The following ZNF267 variants were observed in gnomAD, a reference collection of about 807,000 sequenced individuals.
ZNF267 encodes zinc finger protein 267.
Under a neutral mutation model 71.6 loss-of-function variants are expected in ZNF267, and 61 were observed. The observed-to-expected ratio is 0.85, with a 90% CI of 0.69 to 1.05. The LOEUF is 1.05. Ranked by LOEUF, ZNF267 falls within the 50% of genes least tolerant of loss-of-function variation. The pLI, the probability that ZNF267 is intolerant of heterozygous loss-of-function variation, is 0.00. For synonymous variants in ZNF267, 288 were observed against 293.2 expected (o/e 0.98, Z 0.18); for missense variants, 852 against 870.0 (o/e 0.98, Z 0.26).
intron 1 of ZNF267, among the ~76,000 whole-genome samples, chr16:31,879,049 G>A (rs1468660257): frequency 6.6e-6 from 1 of 151,898 alleles, no homozygotes; most frequent in Non-Finnish European, 1.5e-5. Flanking sequence ...TAGGCCATTT[G>A]TCAGTCTTTT....
At position 31,915,698 on chromosome 16, in the gene ZNF267, G is replaced by A. The variant is rs1207863965; in HGVS notation, c.1449G>A (p.Gln483=). ...YARSSNLIMH[Q]RVHTGEKPYK... Reference sequence around the variant, plus strand: ...GTTCTTCAAATCTTATTATGCATCAGAGAGTTCATACTGGAGAGAAGCCTT... The same window carrying A: ...GTTCTTCAAATCTTATTATGCATCAAAGAGTTCATACTGGAGAGAAGCCTT... The change falls in exon 4 of 4, where the codon CAG becomes CAA. Residue 483 remains glutamine, a synonymous_variant. Transcript: ENST00000300870. 1 of 1,613,656 alleles carries A rather than the reference G, an allele frequency of 6.2e-7. No homozygotes were observed. The highest frequency in any genetic ancestry group is 8.5e-7 in the Non-Finnish European group (1 of 1,179,956).
Position 31,915,155 on chromosome 16 carries a change from A to G in ZNF267, c.906A>G (p.Lys302=). 2 of 1,612,958 alleles carry G rather than the reference A, an allele frequency of 1.2e-6. No individual in the cohort carries two copies. Among genetic ancestry groups the G allele is most frequent in the Non-Finnish European group, 1.7e-6 (2 of 1,179,658 alleles). Residue 302 remains lysine, a synonymous_variant, in exon 4 of 4, where the codon AAA becomes AAG. Coordinates refer to ENST00000300870, the MANE Select transcript of ZNF267 (RefSeq NM_003414.6). Reference sequence around the variant, plus strand: ...CATATAGCTATAACAAATATGATAAAGATCTTAGTCAGTCATCAAATCTTA... The same window carrying G: ...CATATAGCTATAACAAATATGATAAGGATCTTAGTCAGTCATCAAATCTTA... ...ENSYSYNKYD[K]DLSQSSNLRK...
intron 1 of ZNF267, among the ~76,000 whole-genome samples, chr16:31,874,942 A>G (rs1396426891): frequency 1.3e-5 from 2 of 152,198 alleles, no homozygotes; most frequent in Non-Finnish European, 2.9e-5. Flanking sequence ...CTCATTAATC[A>G]TGATTTCACA....
At position 31,878,526 on chromosome 16, in the gene ZNF267, G is replaced by A. The variant is rs150616339; in HGVS notation, c.3+4557G>A. 5.8e-3 allele frequency among the ~76,000 whole-genome samples: 883 copies of A among 152,290 alleles called. 3 individuals carry two copies. Among genetic ancestry groups the A allele is most frequent in the Middle Eastern group, 0.01 (3 of 294 alleles). On this transcript the variant is annotated intron_variant, in intron 1 of 3. Coordinates refer to ENST00000300870, the MANE Select transcript of ZNF267 (RefSeq NM_003414.6). Reference sequence around the variant, plus strand: ...ACAAGTGCCTGAGGACTCCTGGCTTGTTGTAATCCCAGACACTGAATCCGT... The same window carrying A: ...ACAAGTGCCTGAGGACTCCTGGCTTATTGTAATCCCAGACACTGAATCCGT...
intron 1 of ZNF267, among the ~76,000 whole-genome samples, chr16:31,879,790 AT>A (rs1328403490): frequency 1.3e-5 from 2 of 152,184 alleles, no homozygotes; most frequent in African/African-American, 4.8e-5. Flanking sequence ...CCTGAAACTG[AT>A]TCAGAGACCA....
At chr16:31,894,811 T>A in intron 3 of ZNF267, 1 of 492,210 alleles carries the variant, frequency 2.0e-6, no homozygotes, top group Non-Finnish European at 4.1e-6. Flanking sequence ...CTGCATACAT[T>A]GACTTCTTTA....
In ZNF267 at chr16:31,916,219, A is replaced by T. The variant is rs2084176078; in HGVS notation, c.1970A>T (p.Glu657Val). Residue 657 changes from glutamate (E) to valine (V), a missense_variant, in exon 4 of 4, where the codon GAG (glutamate) becomes GTG (valine). Glu to Val is a moderately radical substitution (Grantham distance 121). Transcript: ENST00000300870. The part of the protein sequence containing the change: ...LTTHQRSHTG[E>V]RPYKCEECGK... ...ACACATCAGAGAAGTCATACTGGAGAGAGACCCTACAAATGTGAAGAATGT... is the reference window on the plus strand; with the variant it reads ...ACACATCAGAGAAGTCATACTGGAGTGAGACCCTACAAATGTGAAGAATGT... The T allele has an allele frequency of 6.2e-7, 1 of 1,614,064 alleles. No individual in the cohort carries two copies. The highest frequency in any genetic ancestry group is 8.5e-7 in the Non-Finnish European group (1 of 1,180,024).
At position 31,915,440 on chromosome 16, in the gene ZNF267, G is replaced by A. The variant is rs2084168031; in HGVS notation, c.1191G>A (p.Val397=). 5 of 1,613,822 alleles carry A rather than the reference G, an allele frequency of 3.1e-6. No individual in the cohort carries two copies. Among genetic ancestry groups the A allele is most frequent in the Non-Finnish European group, 4.2e-6 (5 of 1,179,908 alleles). The part of the protein sequence containing the change: ...KSFTRSSNLI[V]HQRIHTGEKP... ...TTACTCGTTCCTCCAATCTTATTGTGCATCAGAGAATTCACACTGGAGAGA... is the reference window on the plus strand; with the variant it reads ...TTACTCGTTCCTCCAATCTTATTGTACATCAGAGAATTCACACTGGAGAGA... The change falls in exon 4 of 4, where the codon GTG becomes GTA. Residue 397 remains valine, a synonymous_variant. Coordinates refer to ENST00000300870, the MANE Select transcript of ZNF267 (RefSeq NM_003414.6).
Position 31,885,252 on chromosome 16 carries a change from G to C in ZNF267, c.222G>C (p.Gln74His). 2 of 1,606,160 alleles carry C rather than the reference G, an allele frequency of 1.2e-6. No homozygotes were observed. Among genetic ancestry groups the C allele is most frequent in the South Asian group, 2.2e-5 (2 of 90,370 alleles). Residue 74 changes from glutamine (Q) to histidine (H), a missense_variant, in exon 3 of 4, where the codon CAG becomes CAC. Transcript: ENST00000300870. ...NVKSEETVAI[Q>H]PDVFSHYNKD... ...AGAGTGAGGAGACAGTAGCCATCCA[G>C]CCAGGTAGGTGGGAGCGAATGAAGT...
At chr16:31,899,919 T>A (rs1048528639) in intron 3 of ZNF267, among the ~76,000 whole-genome samples, 1 of 152,172 alleles carries the variant, frequency 6.6e-6, no homozygotes, top group Non-Finnish European at 1.5e-5. Flanking sequence ...CAATTAGGAC[T>A]TCTTAATTAC....
chr16:31,898,159 G>T (rs1273987657), intron 3 of ZNF267, among the ~76,000 whole-genome samples: 3 of 152,100 alleles, frequency 2.0e-5, no homozygotes, highest in Non-Finnish European at 4.4e-5. Context: ...GACATTAGGT[G>T]CATATATGCT....
At chr16:31,898,079 C>T (rs1218362928) in intron 3 of ZNF267, among the ~76,000 whole-genome samples, 1 of 152,052 alleles carries the variant, frequency 6.6e-6, no homozygotes, top group Non-Finnish European at 1.5e-5. Flanking sequence ...TGGAAGTCTT[C>T]TACTATTATT....
intron 1 of ZNF267, chr16:31,874,400 T>G: frequency 6.2e-6 from 1 of 160,338 alleles, no homozygotes; most frequent in Non-Finnish European, 1.4e-5. Context: ...TTTGAGCAAA[T>G]AGCGATTTGT....
intron 1 of ZNF267, among the ~76,000 whole-genome samples, chr16:31,882,834 C>T (rs764709298): frequency 2.6e-5 from 4 of 152,206 alleles, no homozygotes; most frequent in Non-Finnish European, 4.4e-5. Context: ...TGCTCTCTGT[C>T]AGATTCCTTC....
intron 3 of ZNF267, among the ~76,000 whole-genome samples, chr16:31,905,581 C>T (rs1020794309): frequency 1.9e-4 from 29 of 152,192 alleles, no homozygotes; most frequent in Non-Finnish European, 3.7e-4. Context: ...ATCGAATCGG[C>T]TACTGAGGCT....
intron 3 of ZNF267, among the ~76,000 whole-genome samples, chr16:31,887,848 T>C (rs1402095904): frequency 1.3e-5 from 2 of 152,136 alleles, no homozygotes; most frequent in Non-Finnish European, 2.9e-5. Flanking sequence ...CAAGATTGCA[T>C]GGGCTATTTG....
Position 31,914,632 on chromosome 16 carries a change from G to A in ZNF267, c.383G>A (p.Cys128Tyr), listed in dbSNP as rs2084159283. The A allele has an allele frequency of 1.2e-6, 2 of 1,613,920 alleles. No individual in the cohort carries two copies. The highest frequency in any genetic ancestry group is 1.7e-6 in the Non-Finnish European group (2 of 1,179,986). Residue 128 changes from cysteine to tyrosine, a missense_variant, in exon 4 of 4, where the codon TGT (cysteine) becomes TAT (tyrosine). Coordinates refer to ENST00000300870, the MANE Select transcript of ZNF267 (RefSeq NM_003414.6). Reference protein sequence around the residue: ...KREECEGHNGCYDEKTFKYDQ... With the variant: ...KREECEGHNGYYDEKTFKYDQ... Reference sequence around the variant, plus strand: ...GAGGAGTGTGAAGGGCACAATGGATGTTATGATGAAAAGACTTTTAAATAT... The same window carrying A: ...GAGGAGTGTGAAGGGCACAATGGATATTATGATGAAAAGACTTTTAAATAT...
In ZNF267 at chr16:31,885,260, G is replaced by A; in HGVS notation, c.226+4G>A. ...GAGACAGTAGCCATCCAGCCAGGTA[G>A]GTGGGAGCGAATGAAGTAGATGACA... On this transcript the variant is annotated splice_donor_region_variant and intron_variant, in intron 3 of 3. Coordinates refer to ENST00000300870, the MANE Select transcript of ZNF267 (RefSeq NM_003414.6). 6.2e-7 allele frequency: 1 copy of A among 1,604,724 alleles called. No homozygotes were observed. Among genetic ancestry groups the A allele is most frequent in the South Asian group, 1.1e-5 (1 of 90,226 alleles).
At chr16:31,902,631 C>T (rs1442988692) in intron 3 of ZNF267, among the ~76,000 whole-genome samples, 6 of 152,034 alleles carry the variant, frequency 3.9e-5, no homozygotes, top group South Asian at 2.1e-4. Flanking sequence ...GTGATTTTTG[C>T]ACATTGATTT....
Sources: gnomAD v4.1 joint callset for allele counts (sites outside exome capture counted in the v4.1 genomes callset) on GRCh38, gnomAD v4.1.1 for gene constraint, MANE v1.5 for transcripts, NCBI Gene and HGNC (gene_info 2026-07-23, HGNC 2026-07-21) for gene names.